Variants in SLC35D4 observed in about 807,000 individuals in gnomAD.
SLC35D4 encodes the protein UDP-N-acetylglucosamine transporter SLC35D4.
At chr18:23,289,920 G>T in the SLC35D4 span, among the ~76,000 whole-genome samples, 1 of 151,300 alleles carries the variant, frequency 6.6e-6, no homozygotes, top group African/African-American at 2.4e-5. Context: ...CCTATAAAAC[G>T]GCCCCACCCC....
At chr18:23,356,022 G>A in the SLC35D4 span, among the ~76,000 whole-genome samples, 1 of 152,304 alleles carries the variant, frequency 6.6e-6, no homozygotes, top group East Asian at 1.9e-4. The surrounding 1 kb of genome is among the most constrained non-coding windows in gnomAD (Gnocchi z 4.1). Context: ...ACTTCTGTGT[G>A]TTCAGATGTA....
At chr18:23,276,677 G>A in the SLC35D4 span, among the ~76,000 whole-genome samples, 1 of 152,152 alleles carries the variant, frequency 6.6e-6, no homozygotes, top group African/African-American at 2.4e-5. Flanking sequence ...TTTCCAGCTG[G>A]CACATACCGC....
chr18:23,240,670 G>T, the SLC35D4 span, among the ~76,000 whole-genome samples: 1 of 152,196 alleles, frequency 6.6e-6, no homozygotes, highest in Non-Finnish European at 1.5e-5. Flanking sequence ...ACCTCCCTTA[G>T]TATTAGCTTC....
At chr18:23,373,420 G>T in the SLC35D4 span, among the ~76,000 whole-genome samples, 1 of 152,202 alleles carries the variant, frequency 6.6e-6, no homozygotes, top group Non-Finnish European at 1.5e-5. Context: ...GGCAATTTGG[G>T]CGTTGGCTTG....
At chr18:23,310,900 C>A in the SLC35D4 span, among the ~76,000 whole-genome samples, 1 of 152,004 alleles carries the variant, frequency 6.6e-6, no homozygotes, top group African/African-American at 2.4e-5. Context: ...GTAGCAAAAA[C>A]CTTGATTACA....
chr18:23,270,264 A>G, the SLC35D4 span, among the ~76,000 whole-genome samples: 2 of 152,234 alleles, frequency 1.3e-5, no homozygotes, highest in Non-Finnish European at 2.9e-5. Context: ...AAGCCTTGGT[A>G]GCTTACACAT....
chr18:23,370,463 C>T, the SLC35D4 span, among the ~76,000 whole-genome samples: 823 of 152,288 alleles, frequency 5.4e-3, 11 homozygotes, highest in African/African-American at 0.019. Context: ...TTCAATAATC[C>T]TCTATGATAA....
the SLC35D4 span, among the ~76,000 whole-genome samples, chr18:23,387,625 T>G: frequency 6.6e-6 from 1 of 152,238 alleles, no homozygotes. Flanking sequence ...TATTTTTACC[T>G]TGTTTTTAAA....
the SLC35D4 span, among the ~76,000 whole-genome samples, chr18:23,274,659 C>T: frequency 2.6e-5 from 4 of 152,218 alleles, no homozygotes; most frequent in African/African-American, 9.7e-5. Context: ...GAGGCAGCCT[C>T]CCCACTGCCA....
chr18:23,316,329 G>C, the SLC35D4 span, among the ~76,000 whole-genome samples: 1 of 152,182 alleles, frequency 6.6e-6, no homozygotes, highest in African/African-American at 2.4e-5. Context: ...CCAGGTTAAA[G>C]AGTAAATCTA....
chr18:23,368,365 C>A, the SLC35D4 span, among the ~76,000 whole-genome samples: 1 of 152,178 alleles, frequency 6.6e-6, no homozygotes, highest in African/African-American at 2.4e-5. Flanking sequence ...GGAAGATGGA[C>A]CCAAGGAGCC....
chr18:23,243,076 TATATAGA>T, the SLC35D4 span, among the ~76,000 whole-genome samples: 3 of 150,782 alleles, frequency 2.0e-5, no homozygotes, highest in African/African-American at 7.3e-5. Context: ...TATTATAATT[TATATAGA>T]ATATAGAACT....
At chr18:23,352,299 G>A in the SLC35D4 span, 20 of 1,600,018 alleles carry the variant, frequency 1.2e-5, no homozygotes, top group East Asian at 4.1e-4. Context: ...ACTGGAAGGA[G>A]AAAAGATTCT....
At chr18:23,356,074 A>G in the SLC35D4 span, among the ~76,000 whole-genome samples, 1,644 of 152,302 alleles carry the variant, frequency 0.011, 24 homozygotes, top group African/African-American at 0.039. This position sits in a 1 kb window ranked among gnomAD's most constrained non-coding sequence, Gnocchi z 4.1. Context: ...TCCCAAGACC[A>G]AGCACTAATG....
At chr18:23,435,596 A>C in the SLC35D4 span, among the ~76,000 whole-genome samples, 1 of 152,266 alleles carries the variant, frequency 6.6e-6, no homozygotes, top group Non-Finnish European at 1.5e-5. Flanking sequence ...TTACTGTCAC[A>C]GTATAAACAA....
At chr18:23,273,060 G>A in the SLC35D4 span, among the ~76,000 whole-genome samples, 2 of 152,158 alleles carry the variant, frequency 1.3e-5, no homozygotes, top group Admixed American at 6.5e-5. Context: ...CTTGTCAATG[G>A]GTGTGCTAAT....
chr18:23,325,852 G>T, the SLC35D4 span, among the ~76,000 whole-genome samples: 17 of 152,192 alleles, frequency 1.1e-4, no homozygotes, highest in Admixed American at 6.5e-4. Flanking sequence ...TGTGGGTACA[G>T]CCAGGAGCCC....
the SLC35D4 span, among the ~76,000 whole-genome samples, chr18:23,366,126 T>C: frequency 6.6e-6 from 1 of 152,196 alleles, no homozygotes; most frequent in Admixed American, 6.5e-5. Flanking sequence ...TAGCCCACAA[T>C]TGATCCAGCC....
chr18:23,425,867 A>C, the SLC35D4 span, among the ~76,000 whole-genome samples: 1 of 152,238 alleles, frequency 6.6e-6, no homozygotes, highest in Non-Finnish European at 1.5e-5. Context: ...TTAGTTAACT[A>C]CTGGGGAAGG....
Sources: gnomAD v4.1 joint callset for allele counts (sites outside exome capture counted in the v4.1 genomes callset) on GRCh38, gnomAD v4.1.1 for gene constraint, Gnocchi (gnomAD v3.1) non-coding constraint, MANE v1.5 for transcripts, NCBI Gene and HGNC (gene_info 2026-07-23, HGNC 2026-07-21) for gene names.